Variants in KCNAB1 observed in about 807,000 individuals in gnomAD.
The protein encoded by KCNAB1 is voltage-gated potassium channel subunit beta-1.
A neutral mutation model predicts 64.6 loss-of-function variants in KCNAB1; 35 were observed. That is an observed-to-expected ratio of 0.54 (90% CI 0.41 to 0.72). The LOEUF is 0.72. KCNAB1 is among the 30% of genes least tolerant of loss of function. KCNAB1 has a pLI of 0.00. For synonymous variants in KCNAB1, 177 were observed against 183.8 expected, an observed-to-expected ratio of 0.96 and a Z score of 0.30; for missense variants, 401 against 512.9, an observed-to-expected ratio of 0.78 and a Z score of 2.11.
intron 1 of KCNAB1, among the ~76,000 whole-genome samples, chr3:156,357,159 G>GCACACACACACACACACACA (rs112441885): frequency 6.8e-6 from 1 of 147,314 alleles, no homozygotes; most frequent in African/African-American, 2.5e-5. Context: ...ACATGTGCGC[G>GCACACACACACACACACACA]CACACACACA....
At chr3:156,167,369 C>T (rs1042395425) in intron 1 of KCNAB1, among the ~76,000 whole-genome samples, 1 of 152,148 alleles carries the variant, frequency 6.6e-6, no homozygotes, top group South Asian at 2.1e-4. Context: ...CCAAGCCACA[C>T]CCACTACATG....
rs1719141733 is a variant in KCNAB1, at chr3:156,537,551, AAGAG to A, written c.*807_*810del. The A allele has an allele frequency of 6.5e-6, 1 of 152,810 alleles. No individual in the cohort carries two copies. The highest frequency in any genetic ancestry group is 2.4e-5 in the African/African-American group (1 of 41,454). The allele number at this position is 152,810 out of a possible 1,614,324, so 9.5% of individuals were successfully genotyped here. A position where few individuals can be genotyped will look rare whatever the true frequency, so the allele number is the denominator to read the frequency against. On this transcript the variant is annotated 3_prime_UTR_variant, in exon 14 of 14. Coordinates refer to ENST00000490337, the MANE Select transcript of KCNAB1 (RefSeq NM_172160.3). The stretch of plus-strand genomic sequence containing the variant: ...TAGTGACAATGCAGCTGATTTATGA[AAGAG>A]AGGGCTACACTGCTATGGAAACTTA...
chr3:156,458,960 C>CA (rs1368811375), intron 4 of KCNAB1, among the ~76,000 whole-genome samples: 2 of 152,206 alleles, frequency 1.3e-5, no homozygotes, highest in African/African-American at 4.8e-5. Flanking sequence ...GGGCATGCTC[C>CA]ACAGCTAACC....
At chr3:156,517,700 A>T (rs1160630692) in intron 11 of KCNAB1, among the ~76,000 whole-genome samples, 1 of 152,266 alleles carries the variant, frequency 6.6e-6, no homozygotes, top group East Asian at 1.9e-4. Flanking sequence ...CAGAATGGAT[A>T]CAGGTGACTT....
intron 2 of KCNAB1, among the ~76,000 whole-genome samples, chr3:156,422,498 C>T (rs1715528386): frequency 6.6e-6 from 1 of 152,140 alleles, no homozygotes; most frequent in Non-Finnish European, 1.5e-5. Context: ...TCAAGGATGA[C>T]TCTAAGGATT....
At chr3:156,494,006 T>C (rs73875706) in intron 8 of KCNAB1, among the ~76,000 whole-genome samples, 14,305 of 152,078 alleles carry the variant, frequency 0.094, 1,951 homozygotes, top group African/African-American at 0.3. Context: ...ATAAGTCTCT[T>C]TGGGGGAGAT....
chr3:156,291,369 G>T, intron 1 of KCNAB1: 3 of 994,708 alleles, frequency 3.0e-6, no homozygotes, highest in South Asian at 4.5e-5. Flanking sequence ...ACCCGCTTGC[G>T]ATTAGCTGCT....
At chr3:156,436,278 G>C (rs1716580625) in intron 2 of KCNAB1, among the ~76,000 whole-genome samples, 1 of 152,060 alleles carries the variant, frequency 6.6e-6, no homozygotes, top group South Asian at 2.1e-4. Flanking sequence ...AGTATTCCAT[G>C]GTATATATAT....
intron 1 of KCNAB1, among the ~76,000 whole-genome samples, chr3:156,122,164 A>G (rs904385987): frequency 1.0e-4 from 13 of 128,798 alleles, no homozygotes; most frequent in African/African-American, 2.9e-4. Flanking sequence ...TTTGGGGTAC[A>G]TGGGAGGAAG....
Position 156,261,581 on chromosome 3 carries a change from A to G in KCNAB1, c.275+140695A>G, listed in dbSNP as rs558056223. ...ATGTAAGAAATTATTACTAAGTCTCAGTTCTCTCCTATTAATCTATATACT... is the reference window on the plus strand; with the variant it reads ...ATGTAAGAAATTATTACTAAGTCTCGGTTCTCTCCTATTAATCTATATACT... On this transcript the variant is annotated intron_variant, in intron 1 of 13. Transcript: ENST00000490337. Among the ~76,000 whole-genome samples, 9 of 152,176 alleles carry G rather than the reference A, an allele frequency of 5.9e-5. 1 individual carries two copies. In the South Asian group the frequency reaches 1.7e-3, roughly 28 times the overall value.
chr3:156,299,655 C>G (rs905975503), intron 1 of KCNAB1, among the ~76,000 whole-genome samples: 1 of 152,158 alleles, frequency 6.6e-6, no homozygotes, highest in Non-Finnish European at 1.5e-5. Flanking sequence ...ATTTAAAATT[C>G]CTTACTGCAG....
intron 2 of KCNAB1, among the ~76,000 whole-genome samples, chr3:156,444,550 G>A (rs1717260800): frequency 6.6e-6 from 1 of 152,144 alleles, no homozygotes; most frequent in African/African-American, 2.4e-5. Flanking sequence ...CTCCAGCCCA[G>A]GCCTCCTGAT....
At chr3:156,527,466 T>C (rs1718399161) in intron 12 of KCNAB1, among the ~76,000 whole-genome samples, 1 of 152,170 alleles carries the variant, frequency 6.6e-6, no homozygotes, top group Admixed American at 6.5e-5. Flanking sequence ...GAGAAACATA[T>C]TCTGCACAAT....
intron 1 of KCNAB1, among the ~76,000 whole-genome samples, chr3:156,399,751 A>G (rs1275101895): frequency 6.6e-6 from 1 of 152,214 alleles, no homozygotes; most frequent in Non-Finnish European, 1.5e-5. Flanking sequence ...ACCACAAAAT[A>G]AAACTTCAGA....
chr3:156,166,603 T>G (rs1379222082), intron 1 of KCNAB1, among the ~76,000 whole-genome samples: 1 of 152,054 alleles, frequency 6.6e-6, no homozygotes, highest in Non-Finnish European at 1.5e-5. Context: ...TTCATGAATA[T>G]CAGCAAGATC....
At chr3:156,259,355 ATCAAG>A (rs759759772) in intron 1 of KCNAB1, among the ~76,000 whole-genome samples, 1 of 152,210 alleles carries the variant, frequency 6.6e-6, no homozygotes, top group Non-Finnish European at 1.5e-5. Context: ...TGTTCTTTCT[ATCAAG>A]TCAACCTGGG....
chr3:156,246,409 G>C (rs1717454316), intron 1 of KCNAB1, among the ~76,000 whole-genome samples: 1 of 152,056 alleles, frequency 6.6e-6, no homozygotes, highest in Non-Finnish European at 1.5e-5. Flanking sequence ...TTTGAGACCA[G>C]CCTGCCAACA....
intron 1 of KCNAB1, among the ~76,000 whole-genome samples, chr3:156,277,544 G>T (rs761325771): frequency 4.6e-5 from 7 of 152,060 alleles, no homozygotes; most frequent in Non-Finnish European, 8.8e-5. Flanking sequence ...GTGTCCTCCA[G>T]GTTCATCTGT....
At chr3:156,235,056 C>T (rs1461829010) in intron 1 of KCNAB1, among the ~76,000 whole-genome samples, 6 of 152,200 alleles carry the variant, frequency 3.9e-5, no homozygotes, top group African/African-American at 1.2e-4. Context: ...TGGGCTCCCT[C>T]GCTAGCTAAG....
Sources: gnomAD v4.1 joint callset for allele counts (sites outside exome capture counted in the v4.1 genomes callset) on GRCh38, gnomAD v4.1.1 for gene constraint, MANE v1.5 for transcripts, NCBI Gene and HGNC (gene_info 2026-07-23, HGNC 2026-07-21) for gene names.